NPAS3: variants seen among roughly 807,000 people sequenced by gnomAD.
The protein encoded by NPAS3 is neuronal PAS domain protein 3, also known as neuronal PAS domain-containing protein 3.
A neutral mutation model predicts 73.1 loss-of-function variants in NPAS3; 14 were observed. The observed-to-expected ratio is 0.19, with a 90% CI of 0.13 to 0.30. NPAS3 has a LOEUF of 0.30. Ranked by LOEUF, NPAS3 falls within the 10% of genes least tolerant of loss-of-function variation. The pLI is 1.00. For synonymous variants in NPAS3, 620 were observed against 541.5 expected (o/e 1.14, Z -2.01); for missense variants, 1,096 against 1,250.0 (o/e 0.88, Z 1.86).
At chr14:33,769,874 C>T (rs1275227981) in intron 7 of NPAS3, among the ~76,000 whole-genome samples, 3 of 143,210 alleles carry the variant, frequency 2.1e-5, no homozygotes, top group African/African-American at 7.7e-5. Flanking sequence ...AAGCAATCCT[C>T]AAACCTCAGC....
At chr14:33,175,493 T>A (rs1035985888) in intron 2 of NPAS3, among the ~76,000 whole-genome samples, 3 of 152,210 alleles carry the variant, frequency 2.0e-5, no homozygotes. Flanking sequence ...GGTGTTTAAA[T>A]GATTTTTATT....
intron 2 of NPAS3, among the ~76,000 whole-genome samples, chr14:33,082,394 G>A (rs1184788154): frequency 1.3e-5 from 2 of 152,150 alleles, no homozygotes; most frequent in African/African-American, 4.8e-5. Context: ...TTCTGAAGAC[G>A]TTTTGCAAAT....
chr14:33,532,641 A>C (rs995268335), intron 4 of NPAS3, among the ~76,000 whole-genome samples: 2 of 152,178 alleles, frequency 1.3e-5, no homozygotes, highest in Non-Finnish European at 2.9e-5. Context: ...TAGTAACCAG[A>C]AATCTAAGAT....
chr14:33,490,368 T>C (rs545498532), intron 4 of NPAS3, among the ~76,000 whole-genome samples: 1 of 152,276 alleles, frequency 6.6e-6, no homozygotes, highest in East Asian at 1.9e-4. Flanking sequence ...AAAACCCAGT[T>C]ATATTTCCTT....
intron 3 of NPAS3, among the ~76,000 whole-genome samples, chr14:33,259,779 A>C (rs568613830): frequency 6.6e-6 from 1 of 152,216 alleles, no homozygotes; most frequent in African/African-American, 2.4e-5. Flanking sequence ...CCATCTTTAG[A>C]ATCAGATAAA....
At chr14:33,117,311 T>C (rs1008747979) in intron 2 of NPAS3, among the ~76,000 whole-genome samples, 5 of 152,036 alleles carry the variant, frequency 3.3e-5, no homozygotes, top group Admixed American at 1.3e-4. Flanking sequence ...CAAACTCTAT[T>C]TGAGATCTAT....
intron 4 of NPAS3, among the ~76,000 whole-genome samples, chr14:33,426,446 C>T (rs554298611): frequency 5.9e-5 from 9 of 152,096 alleles, no homozygotes; most frequent in East Asian, 3.9e-4. Flanking sequence ...GACCTCCCTG[C>T]GTTGGTAAAC....
At chr14:33,257,276 C>A (rs987674676) in intron 3 of NPAS3, among the ~76,000 whole-genome samples, 1 of 152,188 alleles carries the variant, frequency 6.6e-6, no homozygotes, top group African/African-American at 2.4e-5. Context: ...TACCTCTTTT[C>A]CTCAGGCTTA....
intron 7 of NPAS3, among the ~76,000 whole-genome samples, chr14:33,768,316 G>C (rs565699980): frequency 5.9e-5 from 9 of 152,136 alleles, no homozygotes; most frequent in African/African-American, 1.4e-4. Flanking sequence ...TGAGCTCAGG[G>C]GCAAAGAATC....
intron 2 of NPAS3, among the ~76,000 whole-genome samples, chr14:33,154,518 A>G (rs10137137): frequency 0.027 from 4,049 of 152,278 alleles, 149 homozygotes; most frequent in African/African-American, 0.09. Flanking sequence ...ACTTCTTTTT[A>G]CGACTCAGAG....
intron 1 of NPAS3, among the ~76,000 whole-genome samples, chr14:32,995,455 G>T (rs564561644): frequency 1.9e-4 from 29 of 152,260 alleles, no homozygotes; most frequent in African/African-American, 6.7e-4. Flanking sequence ...TAACTGCCTT[G>T]TTCATTCCAT....
At chr14:33,131,570 G>T (rs984375614) in intron 2 of NPAS3, among the ~76,000 whole-genome samples, 5 of 152,140 alleles carry the variant, frequency 3.3e-5, no homozygotes, top group Non-Finnish European at 4.4e-5. Flanking sequence ...AGATACATTT[G>T]TAGAGAGAAA....
At chr14:33,721,576 C>T (rs957549651) in intron 6 of NPAS3, among the ~76,000 whole-genome samples, 2 of 151,952 alleles carry the variant, frequency 1.3e-5, no homozygotes, top group Non-Finnish European at 2.9e-5. Context: ...AATCATAATA[C>T]CTGTGTATTA....
chr14:33,294,890 G>A (rs889807170), intron 3 of NPAS3, among the ~76,000 whole-genome samples: 27 of 152,156 alleles, frequency 1.8e-4, no homozygotes, highest in African/African-American at 6.3e-4. Flanking sequence ...GTGTGCTTTT[G>A]CTGAAGCCAC....
intron 7 of NPAS3, among the ~76,000 whole-genome samples, chr14:33,754,674 C>T (rs994078346): frequency 2.0e-5 from 3 of 152,192 alleles, no homozygotes; most frequent in African/African-American, 4.8e-5. Flanking sequence ...GAGAACAGCA[C>T]AGCATCTTTA....
chr14:33,768,313 A>G (rs1029839867), intron 7 of NPAS3, among the ~76,000 whole-genome samples: 1 of 152,134 alleles, frequency 6.6e-6, no homozygotes, highest in Admixed American at 6.5e-5. Flanking sequence ...CACTGAGCTC[A>G]GGGGCAAAGA....
At chr14:33,042,640 C>CTGG (rs1282296291) in intron 1 of NPAS3, among the ~76,000 whole-genome samples, 1 of 152,138 alleles carries the variant, frequency 6.6e-6, no homozygotes, top group Admixed American at 6.6e-5. Flanking sequence ...CATTGTGAAC[C>CTGG]TGGCCTCAGC....
At chr14:32,980,956 TAC>T (rs946923021) in intron 1 of NPAS3, among the ~76,000 whole-genome samples, 42 of 151,838 alleles carry the variant, frequency 2.8e-4, no homozygotes, top group African/African-American at 9.7e-4. Context: ...CACACACACA[TAC>T]ACACACACAC....
intron 6 of NPAS3, among the ~76,000 whole-genome samples, chr14:33,712,729 G>C (rs1004682693): frequency 6.6e-6 from 1 of 152,210 alleles, no homozygotes; most frequent in African/African-American, 2.4e-5. Context: ...CCAGGCTGCA[G>C]AATGTCTCTG....
Sources: gnomAD v4.1 joint callset for allele counts (sites outside exome capture counted in the v4.1 genomes callset) on GRCh38, gnomAD v4.1.1 for gene constraint, MANE v1.5 for transcripts, NCBI Gene and HGNC (gene_info 2026-07-23, HGNC 2026-07-21) for gene names.